The following ZNF385D variants were observed in gnomAD, a reference collection of about 807,000 sequenced individuals.
ZNF385D encodes zinc finger protein 385D.
A neutral mutation model predicts 35.8 loss-of-function variants in ZNF385D; 15 were observed. The ratio of observed to expected loss-of-function variants is 0.42; its 90% confidence interval spans 0.28 to 0.64. The LOEUF (loss-of-function observed/expected upper bound fraction) is 0.64, where lower values mean the gene tolerates loss of function less well. Among genes scored for constraint, ZNF385D ranks in the 30% least tolerant of loss-of-function variants. The pLI is 0.23. For synonymous variants in ZNF385D, 212 were observed against 186.8 expected, an observed-to-expected ratio of 1.13 and a Z score of -1.10; for missense variants, 474 against 494.6, an observed-to-expected ratio of 0.96 and a Z score of 0.39.
At chr3:21,449,851 T>G (rs968882809) in intron 4 of ZNF385D, among the ~76,000 whole-genome samples, 2 of 152,160 alleles carry the variant, frequency 1.3e-5, no homozygotes, top group Non-Finnish European at 2.9e-5. Flanking sequence ...AGTCCAGGAC[T>G]GAATGTGTTG....
intron 2 of ZNF385D, among the ~76,000 whole-genome samples, chr3:22,176,552 A>G (rs1260427526): frequency 2.0e-5 from 3 of 152,172 alleles, no homozygotes; most frequent in Admixed American, 6.6e-5. Flanking sequence ...TCTCAATACA[A>G]CCATGGCTTT....
At chr3:21,880,792 ACTT>A (rs1698237524) in intron 3 of ZNF385D, among the ~76,000 whole-genome samples, 1 of 151,940 alleles carries the variant, frequency 6.6e-6, no homozygotes, top group South Asian at 2.1e-4. Context: ...GCAAAGGAAA[ACTT>A]CTTGAAAAAA....
chr3:22,357,448 A>C lies in ZNF385D; in HGVS notation c.106+15002T>G, dbSNP rs1412326210. ...AATGTGGTGATTTTAAGGTGACTGA[A>C]AAGTTTAGTAGAAAACTTGGAAGTG... On this transcript the variant is annotated intron_variant, in intron 2 of 5. Coordinates refer to the ZNF385D transcript ENST00000494108. Among the ~76,000 whole-genome samples the C allele has an allele frequency of 2.0e-5, 3 of 151,854 alleles. No homozygotes were observed. The East Asian group carries it at 5.8e-4, about 29-fold the overall frequency.
intron 3 of ZNF385D, among the ~76,000 whole-genome samples, chr3:21,972,105 G>C (rs1703296141): frequency 6.6e-6 from 1 of 151,762 alleles, no homozygotes; most frequent in Non-Finnish European, 1.5e-5. Context: ...AGAACAAATG[G>C]ACCCAATATA....
intron 1 of ZNF385D, among the ~76,000 whole-genome samples, chr3:21,681,298 T>TAAAAAAAAAAAAAAAAAAAAAAAAAAAA (rs55872870): frequency 6.2e-5 from 4 of 64,484 alleles, no homozygotes; most frequent in East Asian, 5.5e-4. Context: ...ATTCCATCAG[T>TAAAAAAAAAAAAAAAAAAAAAAAAAAAA]AAAAAAAAAA....
At chr3:22,143,176 A>C (rs1433555111) in intron 3 of ZNF385D, among the ~76,000 whole-genome samples, 5 of 140,022 alleles carry the variant, frequency 3.6e-5, no homozygotes, top group Admixed American at 2.7e-4. Context: ...TCCGCCTCCC[A>C]AGTTCACTCC....
intron 2 of ZNF385D, among the ~76,000 whole-genome samples, chr3:22,210,789 C>T (rs893743766): frequency 6.6e-6 from 1 of 151,604 alleles, no homozygotes; most frequent in African/African-American, 2.4e-5. Context: ...GAGCTTGTTC[C>T]CTCACCACTC....
At chr3:21,563,161 G>C (rs1032480190) in intron 3 of ZNF385D, 4 of 152,106 alleles carry the variant, frequency 2.6e-5, no homozygotes, top group Non-Finnish European at 5.9e-5. Context: ...AATGAGATTG[G>C]TGCCCTTATA....
chr3:21,816,357 G>A (rs1339012992), intron 3 of ZNF385D, among the ~76,000 whole-genome samples: 2 of 152,110 alleles, frequency 1.3e-5, no homozygotes, highest in African/African-American at 4.8e-5. Flanking sequence ...AAAAAATAAA[G>A]GGTATTCAAT....
At chr3:21,744,571 A>C (rs2069672848) in intron 1 of ZNF385D, among the ~76,000 whole-genome samples, 1 of 152,236 alleles carries the variant, frequency 6.6e-6, no homozygotes, top group Admixed American at 6.5e-5. Flanking sequence ...GGGAATGCCA[A>C]CATCTGGAGA....
intron 2 of ZNF385D, among the ~76,000 whole-genome samples, chr3:22,210,032 C>T (rs1018020801): frequency 1.5e-4 from 23 of 151,354 alleles, no homozygotes; most frequent in African/African-American, 5.3e-4. Flanking sequence ...TCATATTTTG[C>T]CATGTACCGA....
chr3:21,532,065 G>A (rs975736379), intron 3 of ZNF385D, among the ~76,000 whole-genome samples: 3 of 145,960 alleles, frequency 2.1e-5, no homozygotes, highest in African/African-American at 7.8e-5. Flanking sequence ...AAATAAAGTC[G>A]GGAGAGAGAA....
intron 3 of ZNF385D, among the ~76,000 whole-genome samples, chr3:22,027,951 G>GAC (rs1234611215): frequency 6.6e-6 from 1 of 152,160 alleles, no homozygotes; most frequent in African/African-American, 2.4e-5. Context: ...CCCTTTCTAG[G>GAC]ACATCCCTGA....
chr3:21,497,085 A>G (rs1705958018), intron 4 of ZNF385D, among the ~76,000 whole-genome samples: 1 of 152,190 alleles, frequency 6.6e-6, no homozygotes, highest in Non-Finnish European at 1.5e-5. Flanking sequence ...AAAGGCATCT[A>G]AATCAGAAGA....
chr3:21,978,923 A>G (rs1020641646), intron 3 of ZNF385D, among the ~76,000 whole-genome samples: 3 of 152,150 alleles, frequency 2.0e-5, no homozygotes, highest in Admixed American at 2.0e-4. Flanking sequence ...ATGTGAAAAA[A>G]CAAAACATAT....
intron 2 of ZNF385D, among the ~76,000 whole-genome samples, chr3:22,336,038 C>A (rs943953593): frequency 4.6e-5 from 7 of 151,714 alleles, no homozygotes; most frequent in Middle Eastern, 6.8e-3. Flanking sequence ...AAAACTAGCG[C>A]TGATGATACA....
At chr3:22,042,960 T>A (rs1175233001) in intron 3 of ZNF385D, among the ~76,000 whole-genome samples, 1 of 152,124 alleles carries the variant, frequency 6.6e-6, no homozygotes. Context: ...CTAGGATCAG[T>A]TGTAATCCTC....
At chr3:22,032,734 G>A (rs1044857732) in intron 3 of ZNF385D, among the ~76,000 whole-genome samples, 2 of 152,078 alleles carry the variant, frequency 1.3e-5, no homozygotes, top group Non-Finnish European at 2.9e-5. Flanking sequence ...TAACTTATGG[G>A]GTCGGCTGAA....
At position 21,917,708 on chromosome 3, in the gene ZNF385D, G is replaced by GA. The variant is rs372530021; in HGVS notation, c.325+251108dup. Among the ~76,000 whole-genome samples, 12 of 152,112 alleles carry GA rather than the reference G, an allele frequency of 7.9e-5. No homozygotes were observed. In the East Asian group the frequency reaches 1.9e-3, roughly 25 times the overall value. On this transcript the variant is annotated intron_variant, in intron 3 of 5. Coordinates refer to the ZNF385D transcript ENST00000494108. ...ATGGATTCTTTTTATACTTTATTGG[G>GA]AAAAAAATCATTAAAAACCATTCAA...
Sources: gnomAD v4.1 joint callset for allele counts (sites outside exome capture counted in the v4.1 genomes callset) on GRCh38, gnomAD v4.1.1 for gene constraint, MANE v1.5 for transcripts, NCBI Gene and HGNC (gene_info 2026-07-23, HGNC 2026-07-21) for gene names.